Variants in TDRD5 observed in about 807,000 individuals in gnomAD.
TDRD5 encodes tudor domain containing 5.
In TDRD5, 41 loss-of-function variants were observed where a neutral mutation model predicts 120.6. The observed-to-expected ratio is 0.34, with a 90% CI of 0.26 to 0.44. The LOEUF is 0.44. TDRD5 is among the 20% of genes least tolerant of loss of function. The pLI is 1.00. For missense variants in TDRD5, 1,006 were observed against 1,221.2 expected (o/e 0.82, Z 2.63); for synonymous variants, 430 against 433.7 (o/e 0.99, Z 0.11).
At chr1:179,684,452 G>T (rs908372897) in intron 17 of TDRD5, among the ~76,000 whole-genome samples, 20 of 152,252 alleles carry the variant, frequency 1.3e-4, no homozygotes, top group African/African-American at 4.6e-4. Flanking sequence ...TATCATTGAT[G>T]GACATTTGGG....
intron 4 of TDRD5, among the ~76,000 whole-genome samples, chr1:179,602,484 A>G (rs948918037): frequency 1.3e-5 from 2 of 152,010 alleles, no homozygotes; most frequent in Non-Finnish European, 2.9e-5. Context: ...TTCCAATGTT[A>G]TCTTCTAGAA....
intron 17 of TDRD5, among the ~76,000 whole-genome samples, chr1:179,689,414 G>A (rs1322530545): frequency 6.6e-6 from 1 of 152,202 alleles, no homozygotes; most frequent in Admixed American, 6.5e-5. Context: ...TCCTCTGAAA[G>A]CTTCATCTCA....
At chr1:179,651,205 A>T (rs1015074660) in intron 12 of TDRD5, 138 bp downstream of exon 12, 6 of 908,484 alleles carry the variant, frequency 6.6e-6, no homozygotes, top group African/African-American at 1.7e-5. Flanking sequence ...TGGCTTTTTA[A>T]TGCAGAGCAC....
At chr1:179,595,035 G>A (rs530541949) in intron 3 of TDRD5, among the ~76,000 whole-genome samples, 2 of 151,916 alleles carry the variant, frequency 1.3e-5, no homozygotes, top group Admixed American at 1.3e-4. Context: ...GAAGTCAACT[G>A]TTGTTTTTTT....
At chr1:179,645,600 G>A (rs1296599641) in intron 11 of TDRD5, among the ~76,000 whole-genome samples, 1 of 152,118 alleles carries the variant, frequency 6.6e-6, no homozygotes, top group Non-Finnish European at 1.5e-5. Flanking sequence ...TGTCCATAAG[G>A]TCAACTTTAT....
At chr1:179,654,811 C>A (rs1436996914) in intron 14 of TDRD5, among the ~76,000 whole-genome samples, 1 of 151,864 alleles carries the variant, frequency 6.6e-6, no homozygotes, top group South Asian at 2.1e-4. Flanking sequence ...TTCATAGTAA[C>A]CAAGACTAAA....
In TDRD5 at chr1:179,690,683, C is replaced by T; in HGVS notation, c.2861-13C>T. The T allele has an allele frequency of 6.2e-7, 1 of 1,610,584 alleles. No individual in the cohort carries two copies. The highest frequency in any genetic ancestry group is 1.3e-5 in the African/African-American group (1 of 74,806). On this transcript the variant is annotated splice_polypyrimidine_tract_variant and intron_variant, in intron 17 of 17. Coordinates refer to ENST00000444136, the MANE Select transcript of TDRD5 (RefSeq NM_001199085.3). ...CCCCTTGAAAAGATGTTTGTGTACT[C>T]TTTCTTTTCCAGTGGAAAGCTCACC...
chr1:179,616,520 T>C (rs1452096753), intron 4 of TDRD5, among the ~76,000 whole-genome samples: 5 of 152,214 alleles, frequency 3.3e-5, no homozygotes, highest in African/African-American at 1.2e-4. Flanking sequence ...ATTACAGTTC[T>C]GATAATCTGT....
chr1:179,642,020 T>C lies in TDRD5; in HGVS notation c.1800+1575T>C, dbSNP rs73037612. ...AAATTTGTGACTCAGTTGTAGCCAG[T>C]GTTCATTACTTTCATATCAGCCAGA... On this transcript the variant is annotated intron_variant, in intron 11 of 17. Coordinates refer to ENST00000444136, the MANE Select transcript of TDRD5 (RefSeq NM_001199085.3). 2.6e-5 allele frequency among the ~76,000 whole-genome samples: 4 copies of C among 152,272 alleles called. No homozygotes were observed. In the South Asian group the frequency reaches 6.2e-4, roughly 24 times the overall value.
At chr1:179,662,020 G>A (rs1679335434) in intron 14 of TDRD5, 84 bp from the exon 15 acceptor site, 17 of 1,324,468 alleles carry the variant, frequency 1.3e-5, no homozygotes, top group Non-Finnish European at 1.4e-5. Flanking sequence ...CCTGGAGTCA[G>A]GAAAAAACTA....
At chr1:179,685,128 C>T (rs148088124) in intron 17 of TDRD5, among the ~76,000 whole-genome samples, 89 of 152,220 alleles carry the variant, frequency 5.8e-4, no homozygotes, top group African/African-American at 1.8e-3. Flanking sequence ...CATGCCTATG[C>T]CCTGAATGGT....
At chr1:179,685,787 T>G (rs1371400895) in intron 17 of TDRD5, among the ~76,000 whole-genome samples, 1 of 152,192 alleles carries the variant, frequency 6.6e-6, no homozygotes, top group Non-Finnish European at 1.5e-5. Flanking sequence ...CCTAGGTATT[T>G]TATTCTCTCT....
rs112337056 is a variant in TDRD5, at chr1:179,673,164, T to C, written c.2860+3760T>C. ...GGTAGTATTTTGATGGGAATTGATC[T>C]GAATTTGTGGATTGCTTTTGGCAGT... On this transcript the variant is annotated intron_variant, in intron 17 of 17. Coordinates refer to ENST00000444136, the MANE Select transcript of TDRD5 (RefSeq NM_001199085.3). 9.5e-3 allele frequency among the ~76,000 whole-genome samples: 1,454 copies of C among 152,308 alleles called. 23 individuals are homozygous for C. Among genetic ancestry groups the C allele is most frequent in the African/African-American group, 0.032 (1,349 of 41,562 alleles).
intron 6 of TDRD5, among the ~76,000 whole-genome samples, chr1:179,628,319 CTTTTCTTTTTTT>C (rs1677245154): frequency 2.6e-5 from 2 of 76,344 alleles, no homozygotes; most frequent in Non-Finnish European, 5.0e-5. Context: ...CTTTTCTTTT[CTTTTCTTTTTTT>C]TTTTTTTTTT....
rs141495649 is a variant in TDRD5 at position 179,652,743 on chromosome 1, A to G, written c.2160+546A>G. 2.6e-3 allele frequency among the ~76,000 whole-genome samples: 397 copies of G among 152,314 alleles called. 2 individuals carry two copies. Among genetic ancestry groups the G allele is most frequent in the African/African-American group, 9.3e-3 (385 of 41,564 alleles). On this transcript the variant is annotated intron_variant, in intron 13 of 17. Transcript: ENST00000444136. ...AAGACAGGTTGTACATCTCTAATGCACAAATCCAAAACCTGAAATGCTCCA... is the reference window on the plus strand; with the variant it reads ...AAGACAGGTTGTACATCTCTAATGCGCAAATCCAAAACCTGAAATGCTCCA...
At chr1:179,606,666 C>G (rs547683578) in intron 4 of TDRD5, among the ~76,000 whole-genome samples, 28 of 151,812 alleles carry the variant, frequency 1.8e-4, no homozygotes, top group African/African-American at 6.5e-4. Flanking sequence ...GGTTTTTTTG[C>G]AAGTGGATGT....
intron 11 of TDRD5, among the ~76,000 whole-genome samples, chr1:179,642,145 G>C (rs923585511): frequency 2.0e-5 from 3 of 150,438 alleles, no homozygotes; most frequent in African/African-American, 7.4e-5. Flanking sequence ...TCATTGCCCA[G>C]GCTGGAGTGC....
intron 1 of TDRD5, chr1:179,592,386 A>C: frequency 2.0e-6 from 1 of 498,282 alleles, no homozygotes; most frequent in Non-Finnish European, 3.6e-6. Context: ...GGCCAGGGGC[A>C]GAGTTCTTGA....
intron 4 of TDRD5, among the ~76,000 whole-genome samples, chr1:179,612,201 T>G (rs759350481): frequency 2.6e-5 from 4 of 152,164 alleles, no homozygotes; most frequent in Non-Finnish European, 5.9e-5. Context: ...ATTATTAAAA[T>G]GAAGAAAAAA....
Sources: allele counts gnomAD v4.1 joint callset (sites outside exome capture counted in the v4.1 genomes callset), GRCh38; gene constraint gnomAD v4.1.1; transcripts MANE v1.5; gene names NCBI Gene and HGNC (gene_info 2026-07-23, HGNC 2026-07-21).